The following NOS1AP variants were observed in gnomAD, a reference collection of about 807,000 sequenced individuals.
NOS1AP encodes carboxyl-terminal PDZ ligand of neuronal nitric oxide synthase protein.
Under a neutral mutation model 56.2 loss-of-function variants are expected in NOS1AP, and 21 were observed. The ratio of observed to expected loss-of-function variants is 0.37; its 90% CI spans 0.26 to 0.54. The LOEUF is 0.54. NOS1AP is among the 20% of genes least tolerant of loss of function. The pLI is 0.84. For synonymous variants in NOS1AP, 270 were observed against 274.6 expected (o/e 0.98, Z 0.17); for missense variants, 522 against 657.8 (o/e 0.79, Z 2.26).
chr1:162,287,579 G>T, intron 3 of NOS1AP, 143 bp downstream of exon 3: 1 of 719,012 alleles, frequency 1.4e-6, no homozygotes, highest in Non-Finnish European at 2.5e-6. Flanking sequence ...CAATGGTGCT[G>T]ACAGGCTGCA....
intron 4 of NOS1AP, among the ~76,000 whole-genome samples, chr1:162,302,831 C>T (rs1340112310): frequency 6.6e-6 from 1 of 152,218 alleles, no homozygotes; most frequent in Non-Finnish European, 1.5e-5. Flanking sequence ...TCTCAATCCC[C>T]ACATCCCCAA....
intron 2 of NOS1AP, among the ~76,000 whole-genome samples, chr1:162,173,335 A>T (rs1029683500): frequency 6.6e-6 from 1 of 152,280 alleles, no homozygotes; most frequent in Middle Eastern, 3.4e-3. Flanking sequence ...TCCCTATTTA[A>T]TAAGTGGTGC....
intron 4 of NOS1AP, among the ~76,000 whole-genome samples, chr1:162,328,232 G>A (rs137931916): frequency 4.6e-5 from 7 of 152,144 alleles, no homozygotes; most frequent in African/African-American, 1.7e-4. Flanking sequence ...AGTGGGGAGG[G>A]CATCAGGAAG....
Position 162,367,866 on chromosome 1 carries a change from A to C in NOS1AP, c.*399A>C. 5.2e-6 allele frequency: 1 copy of C among 192,784 alleles called. No homozygotes were observed. Among genetic ancestry groups the C allele is most frequent in the Non-Finnish European group, 1.1e-5 (1 of 92,932 alleles). 11.9% of individuals were successfully genotyped at this position (192,784 alleles called of 1,614,324 possible). On this transcript the variant is annotated 3_prime_UTR_variant, in exon 10 of 10. Coordinates refer to ENST00000361897, the MANE Select transcript of NOS1AP (RefSeq NM_014697.3). This position sits in a 1 kb window ranked among gnomAD's most constrained non-coding sequence, Gnocchi z 6.5. ...TCTCCCCGTCTCCATGGTCCCGACC[A>C]GGAAGGGAAGCCATCGGTACCTTCT...
chr1:162,185,516 T>C (rs1651404944), intron 2 of NOS1AP, among the ~76,000 whole-genome samples: 1 of 152,208 alleles, frequency 6.6e-6, no homozygotes, highest in East Asian at 1.9e-4. Context: ...CAGCCAGTTA[T>C]GCAAAGGACT....
intron 2 of NOS1AP, among the ~76,000 whole-genome samples, chr1:162,176,353 A>T (rs1218464744): frequency 2.0e-5 from 3 of 152,084 alleles, no homozygotes; most frequent in African/African-American, 7.2e-5. Context: ...ACCCCTGGCA[A>T]CCACTGGTCT....
At chr1:162,156,141 ATTG>A (rs869057128) in intron 2 of NOS1AP, among the ~76,000 whole-genome samples, 4 of 152,054 alleles carry the variant, frequency 2.6e-5, no homozygotes, top group Non-Finnish European at 5.9e-5. Context: ...GCATTTTTTT[ATTG>A]TTAAATTAAA....
At position 162,367,774 on chromosome 1, in the gene NOS1AP, A is replaced by C. The variant is rs1571252216; in HGVS notation, c.*307A>C. 2.8e-6 allele frequency: 1 copy of C among 358,190 alleles called. No homozygotes were observed. The highest frequency in any genetic ancestry group is 5.1e-6 in the Non-Finnish European group (1 of 194,868). 22.2% of individuals were successfully genotyped at this position (358,190 alleles called of 1,614,324 possible). Reference sequence around the variant, plus strand: ...TCCAGGACTGCCAGGCTGCTGGAGGACCTGCCCCTACCTGCTGCATCGTCA... The same window carrying C: ...TCCAGGACTGCCAGGCTGCTGGAGGCCCTGCCCCTACCTGCTGCATCGTCA... On this transcript the variant is annotated 3_prime_UTR_variant, in exon 10 of 10. Transcript: ENST00000361897. The surrounding 1 kb of genome is among the most constrained non-coding windows in gnomAD (Gnocchi z 6.5).
Position 162,098,603 on chromosome 1 carries a change from C to T in NOS1AP, c.105+28321C>T, listed in dbSNP as rs1571007863. Among the ~76,000 whole-genome samples, 3 of 150,800 alleles carry T rather than the reference C, an allele frequency of 2.0e-5. No individual in the cohort carries two copies. The East Asian group carries it at 6.0e-4, about 30-fold the overall frequency. ...TACCATGGTGGTTTGCTGTACAGATCATCCCATCACCTAGGTATTAAGCCT... is the reference window on the plus strand; with the variant it reads ...TACCATGGTGGTTTGCTGTACAGATTATCCCATCACCTAGGTATTAAGCCT... On this transcript the variant is annotated intron_variant, in intron 1 of 9. Coordinates refer to ENST00000361897, the MANE Select transcript of NOS1AP (RefSeq NM_014697.3).
chr1:162,126,597 G>A (rs889566012), intron 1 of NOS1AP, among the ~76,000 whole-genome samples: 4 of 151,044 alleles, frequency 2.6e-5, no homozygotes, highest in Non-Finnish European at 5.9e-5. Flanking sequence ...ATCCATGCAA[G>A]TATATGGAAT....
intron 1 of NOS1AP, among the ~76,000 whole-genome samples, chr1:162,081,747 T>C (rs1188254420): frequency 1.5e-5 from 1 of 68,924 alleles, no homozygotes; most frequent in African/African-American, 4.6e-5. Context: ...TCTATATCTA[T>C]ATCTATAGAT....
intron 4 of NOS1AP, among the ~76,000 whole-genome samples, chr1:162,329,782 C>A (rs1465265389): frequency 6.6e-6 from 1 of 152,222 alleles, no homozygotes; most frequent in Non-Finnish European, 1.5e-5. Context: ...AATGAGGTCG[C>A]ATGGAAAAAC....
intron 1 of NOS1AP, among the ~76,000 whole-genome samples, chr1:162,073,409 A>G (rs551823474): frequency 6.6e-6 from 1 of 152,290 alleles, no homozygotes; most frequent in African/African-American, 2.4e-5. Flanking sequence ...GAGTGTTCTC[A>G]GGTTGCTGGC....
chr1:162,322,062 A>G (rs1656440867), intron 4 of NOS1AP, among the ~76,000 whole-genome samples: 1 of 152,142 alleles, frequency 6.6e-6, no homozygotes, highest in African/African-American at 2.4e-5. Context: ...ATCTAAAATA[A>G]TAAAATAATT....
Position 162,315,568 on chromosome 1 carries a change from G to A in NOS1AP, c.344+14862G>A, listed in dbSNP as rs1264463310. On this transcript the variant is annotated intron_variant, in intron 4 of 9. Coordinates refer to ENST00000361897, the MANE Select transcript of NOS1AP (RefSeq NM_014697.3). ...TGAGGATGACTGCGAGGTCCAGAGG[G>A]TTAAGCACAGAATTTGGGAAAGATG... 2.6e-5 allele frequency among the ~76,000 whole-genome samples: 4 copies of A among 152,314 alleles called. No homozygotes were observed. In the South Asian group the frequency reaches 8.3e-4, roughly 32 times the overall value.
chr1:162,110,567 CTCTT>C (rs1647671415), intron 1 of NOS1AP, among the ~76,000 whole-genome samples: 1 of 152,096 alleles, frequency 6.6e-6, no homozygotes, highest in Non-Finnish European at 1.5e-5. Context: ...ATCACACTAC[CTCTT>C]TCTTTTAGCA....
intron 4 of NOS1AP, among the ~76,000 whole-genome samples, chr1:162,304,013 G>T (rs1655741988): frequency 6.6e-6 from 1 of 150,428 alleles, no homozygotes; most frequent in African/African-American, 2.5e-5. Flanking sequence ...TGTGCTTTTG[G>T]TGTCATAGCT....
At chr1:162,366,907 T>A in intron 9 of NOS1AP, 145 bp from the exon 10 acceptor site, 1 of 871,138 alleles carries the variant, frequency 1.1e-6, no homozygotes, top group South Asian at 1.4e-5. Context: ...AAGGGTGAAG[T>A]GTTAAGAGAC....
intron 8 of NOS1AP, chr1:162,364,266 A>G (rs1045003198): frequency 3.0e-6 from 3 of 985,194 alleles, no homozygotes; most frequent in African/African-American, 3.5e-5. Context: ...CTTTACCCAC[A>G]CCATGGTTTT....
Sources: allele counts gnomAD v4.1 joint callset (sites outside exome capture counted in the v4.1 genomes callset), GRCh38; gene constraint gnomAD v4.1.1; non-coding constraint Gnocchi (gnomAD v3.1); transcripts MANE v1.5; gene names NCBI Gene and HGNC (gene_info 2026-07-23, HGNC 2026-07-21).